Variants in CRYBG1 observed in about 807,000 individuals in gnomAD.
CRYBG1 encodes beta/gamma crystallin domain-containing protein 1.
Under a neutral mutation model 189.2 loss-of-function variants are expected in CRYBG1, and 139 were observed. The ratio of observed to expected loss-of-function variants is 0.73; its 90% CI spans 0.64 to 0.85. The LOEUF is 0.85. CRYBG1 is among the 40% of genes least tolerant of loss of function. The probability of loss-of-function intolerance (pLI) is 0.00; values close to 1 mark genes in which losing one functional copy is unlikely to be tolerated. For synonymous variants in CRYBG1, 1,023 were observed against 1,017.1 expected, an observed-to-expected ratio of 1.01 and a Z score of -0.11; for missense variants, 2,611 against 2,675.8, an observed-to-expected ratio of 0.98 and a Z score of 0.53.
chr6:106,487,132 T>A (rs1772608554), intron 2 of CRYBG1, among the ~76,000 whole-genome samples: 1 of 152,214 alleles, frequency 6.6e-6, no homozygotes. Context: ...AGTCTTGTAA[T>A]TATAATAGAC....
chr6:106,544,664 T>C lies in CRYBG1; in HGVS notation c.5133T>C (p.Asn1711=), dbSNP rs144800958. The C allele has an allele frequency of 1.9e-6, 3 of 1,614,096 alleles. No homozygotes were observed. Among genetic ancestry groups the C allele is most frequent in the Non-Finnish European group, 2.5e-6 (3 of 1,179,976 alleles). ...YRDWKAWGGY[N]GELQSLRPIL... is the part of the protein sequence containing the mutation. ...ACTGGAAAGCCTGGGGAGGTTACAATGGAGAGCTTCAGTCTTTACGACCTA... is the reference window on the plus strand; with the variant it reads ...ACTGGAAAGCCTGGGGAGGTTACAACGGAGAGCTTCAGTCTTTACGACCTA... The change falls in exon 12 of 22, where the codon AAT becomes AAC. Residue 1711 remains asparagine (N), a synonymous_variant. Transcript: ENST00000633556.
chr6:106,399,062 GC>G (rs59949630), intron 1 of CRYBG1, among the ~76,000 whole-genome samples: 2,152 of 152,252 alleles, frequency 0.014, 46 homozygotes, highest in African/African-American at 0.049. Context: ...GAGGAAGTTT[GC>G]CCAGAGAGCC....
Position 106,520,179 on chromosome 6 carries a change from A to G in CRYBG1, c.2971A>G (p.Ser991Gly), listed in dbSNP as rs748410382. Residue 991 changes from serine to glycine, a missense_variant, in exon 4 of 22, where the codon AGT becomes GGT. Physicochemically the swap from Ser to Gly is moderately conservative, Grantham distance 56 (BLOSUM62 0). This residue lies in a region of CRYBG1 where 1,622 missense variants were observed against 1,735.0 expected (regional missense o/e 0.93). Coordinates refer to ENST00000633556, the MANE Select transcript of CRYBG1 (RefSeq NM_001371242.2). ...VREVQLPTCHSNEPEVVSVAS... is the reference protein window; with the variant it reads ...VREVQLPTCHGNEPEVVSVAS... ...AGAAGTGCAGTTGCCAACTTGTCAC[A>G]GTAATGAACCTGAAGTGGTTTCCGT... 1.4e-5 allele frequency: 22 copies of G among 1,614,088 alleles called. No individual in the cohort carries two copies. Among genetic ancestry groups the G allele is most frequent in the Non-Finnish European group, 1.8e-5 (21 of 1,180,038 alleles).
chr6:106,487,821 G>A (rs535185514), intron 2 of CRYBG1, among the ~76,000 whole-genome samples: 1 of 152,084 alleles, frequency 6.6e-6, no homozygotes, highest in East Asian at 1.9e-4. Flanking sequence ...ATTTTTGGGA[G>A]GATCTGTTAA....
chr6:106,550,246 C>T (rs751942666), intron 13 of CRYBG1, among the ~76,000 whole-genome samples: 4 of 152,168 alleles, frequency 2.6e-5, no homozygotes, highest in Non-Finnish European at 4.4e-5. Flanking sequence ...AAAATGGGAA[C>T]ACCAATACCT....
intron 9 of CRYBG1, 42 bp downstream of exon 9, chr6:106,539,571 A>G (rs1415686662): frequency 6.3e-7 from 1 of 1,577,322 alleles, no homozygotes; most frequent in Admixed American, 1.8e-5. Flanking sequence ...ATTCTTTGTC[A>G]GCTTGACGTG....
At chr6:106,434,869 A>G (rs1771426060) in intron 1 of CRYBG1, among the ~76,000 whole-genome samples, 1 of 152,270 alleles carries the variant, frequency 6.6e-6, no homozygotes, top group Non-Finnish European at 1.5e-5. Flanking sequence ...TTTGCAAGGG[A>G]AAAGATTTAC....
At chr6:106,501,370 T>G (rs918071030) in intron 2 of CRYBG1, among the ~76,000 whole-genome samples, 3 of 152,196 alleles carry the variant, frequency 2.0e-5, no homozygotes, top group Admixed American at 2.0e-4. Flanking sequence ...ATTCTAGCCA[T>G]GACACATTAA....
intron 1 of CRYBG1, among the ~76,000 whole-genome samples, chr6:106,433,419 A>T (rs868786382): frequency 6.6e-6 from 1 of 152,084 alleles, no homozygotes; most frequent in Non-Finnish European, 1.5e-5. Flanking sequence ...TGGGTTGTCA[A>T]TATGTACTCG....
chr6:106,428,662 C>G (rs1208421264), intron 1 of CRYBG1, among the ~76,000 whole-genome samples: 1 of 152,130 alleles, frequency 6.6e-6, no homozygotes, highest in African/African-American at 2.4e-5. Context: ...TAAGGTGATA[C>G]AGTTAGACAC....
Position 106,551,838 on chromosome 6 carries a change from C to A in CRYBG1, c.5313-14C>A. On this transcript the variant is annotated splice_polypyrimidine_tract_variant and intron_variant, in intron 13 of 21. Coordinates refer to ENST00000633556, the MANE Select transcript of CRYBG1 (RefSeq NM_001371242.2). ...AAATATGAACTCCAACAAGTGATTG[C>A]TTTTGTTTCTTAGATGGGTAGCCTA... 2 of 1,610,066 alleles carry A rather than the reference C, an allele frequency of 1.2e-6. No homozygotes were observed. Among genetic ancestry groups the A allele is most frequent in the East Asian group, 2.2e-5 (1 of 44,708 alleles).
chr6:106,533,841 G>A (rs1773930835), intron 8 of CRYBG1, among the ~76,000 whole-genome samples: 1 of 152,192 alleles, frequency 6.6e-6, no homozygotes, highest in African/African-American at 2.4e-5. Flanking sequence ...GACTATGTGA[G>A]GCTGGAGTTC....
intron 13 of CRYBG1, among the ~76,000 whole-genome samples, chr6:106,550,037 C>T (rs896136375): frequency 1.3e-5 from 2 of 152,158 alleles, no homozygotes; most frequent in Non-Finnish European, 2.9e-5. Flanking sequence ...GGCCAATAGT[C>T]GATTGTGTCA....
At chr6:106,437,889 G>C (rs1019691775) in intron 1 of CRYBG1, among the ~76,000 whole-genome samples, 6 of 152,134 alleles carry the variant, frequency 3.9e-5, no homozygotes, top group African/African-American at 1.2e-4. Context: ...GTATAACTTG[G>C]CTGGGATTTA....
At chr6:106,366,125 A>G (rs1027703189) in intron 1 of CRYBG1, among the ~76,000 whole-genome samples, 1 of 152,194 alleles carries the variant, frequency 6.6e-6, no homozygotes, top group Non-Finnish European at 1.5e-5. Context: ...CTGGAACTGT[A>G]GAGTGTTAGT....
At chr6:106,504,030 A>AG (rs1773070706) in intron 2 of CRYBG1, among the ~76,000 whole-genome samples, 1 of 29,032 alleles carries the variant, frequency 3.4e-5, no homozygotes. Context: ...ACAGCATTAG[A>AG]AAAAAAAAAA....
intron 1 of CRYBG1, among the ~76,000 whole-genome samples, chr6:106,407,943 C>T (rs562333275): frequency 1.3e-5 from 2 of 152,182 alleles, no homozygotes; most frequent in Admixed American, 1.3e-4. Context: ...AATCAACACC[C>T]TAACATCACA....
chr6:106,516,973 C>T (rs1304776129), intron 3 of CRYBG1, among the ~76,000 whole-genome samples: 1 of 151,108 alleles, frequency 6.6e-6, no homozygotes, highest in Admixed American at 6.6e-5. Flanking sequence ...TTTATCTCTC[C>T]CGTTTTATAA....
intron 1 of CRYBG1, among the ~76,000 whole-genome samples, chr6:106,403,622 C>G (rs1770764824): frequency 6.6e-6 from 1 of 152,222 alleles, no homozygotes; most frequent in Non-Finnish European, 1.5e-5. Context: ...CACACATATA[C>G]ACACACGCAC....
Sources: gnomAD v4.1 joint callset for allele counts (sites outside exome capture counted in the v4.1 genomes callset) on GRCh38, gnomAD v4.1.1 for gene constraint, gnomAD v4.1.1 regional missense constraint, MANE v1.5 for transcripts, NCBI Gene and HGNC (gene_info 2026-07-23, HGNC 2026-07-21) for gene names.